LIMK1: variants seen among roughly 807,000 people sequenced by gnomAD.
LIMK1 encodes LIM domain kinase 1.
A neutral mutation model predicts 77.6 loss-of-function variants in LIMK1; 21 were observed. That is an observed-to-expected ratio of 0.27 (90% CI 0.19 to 0.39). The LOEUF is 0.39. Among genes scored for constraint, LIMK1 ranks in the 10% least tolerant of loss-of-function variants. The probability of loss-of-function intolerance (pLI) is 1.00; values close to 1 mark genes in which losing one functional copy is unlikely to be tolerated. For missense variants in LIMK1, 696 were observed against 901.6 expected (o/e 0.77, Z 2.92); for synonymous variants, 358 against 370.0 (o/e 0.97, Z 0.37).
At position 74,102,262 on chromosome 7, in the gene LIMK1, C is replaced by T. The variant is rs182198487; in HGVS notation, c.608+3024C>T. On this transcript the variant is annotated intron_variant, in intron 5 of 15. Coordinates refer to ENST00000336180, the MANE Select transcript of LIMK1 (RefSeq NM_002314.4). Reference sequence around the variant, plus strand: ...TAAGTCCATTGAATACATACACACCCTTCACCAAGGTTCACCAATTCGTAA... The same window carrying T: ...TAAGTCCATTGAATACATACACACCTTTCACCAAGGTTCACCAATTCGTAA... Among the ~76,000 whole-genome samples the T allele has an allele frequency of 2.6e-3, 395 of 152,028 alleles. 1 individual carries two copies. Among genetic ancestry groups the T allele is most frequent in the African/African-American group, 9.1e-3 (379 of 41,484 alleles).
Position 74,121,284 on chromosome 7 carries a change from C to A in LIMK1, c.1927C>A (p.Pro643Thr), listed in dbSNP as rs1554700585. Residue 643 changes from proline (P) to threonine (T), a missense_variant, in exon 16 of 16, where the codon CCT (proline) becomes ACT (threonine). Pro to Thr is a conservative substitution (Grantham distance 38, BLOSUM62 -1). Transcript: ENST00000336180. ...RRGESGLPAH[P>T]EVPD ...CGGCGAGAGCGGACTGCCTGCCCAC[C>A]CTGAGGTCCCCGACTGAGCCAGGGC... 12 of 1,602,228 alleles carry A rather than the reference C, an allele frequency of 7.5e-6. No homozygotes were observed. Among genetic ancestry groups the A allele is most frequent in the Non-Finnish European group, 7.7e-6 (9 of 1,176,158 alleles).
chr7:74,114,569 A>T (rs1387464494), intron 12 of LIMK1, among the ~76,000 whole-genome samples: 1 of 150,024 alleles, frequency 6.7e-6, no homozygotes, highest in African/African-American at 2.5e-5. Flanking sequence ...AAAAAAAAAA[A>T]TCAAACCCGA....
intron 4 of LIMK1, among the ~76,000 whole-genome samples, chr7:74,098,668 G>A (rs1554696032): frequency 6.6e-6 from 1 of 152,158 alleles, no homozygotes; most frequent in African/African-American, 2.4e-5. Flanking sequence ...CCAACATGGT[G>A]AAACCGTCTC....
chr7:74,106,205 C>T lies in LIMK1; in HGVS notation c.843C>T (p.Ser281=), dbSNP rs371071688. 2.2e-5 allele frequency: 36 copies of T among 1,613,580 alleles called. No homozygotes were observed. Among genetic ancestry groups the T allele is most frequent in the Non-Finnish European group, 2.9e-5 (34 of 1,179,980 alleles). ...SPLSSPAYTP[S]GEAGSSARQK... Reference sequence around the variant, plus strand: ...TGAGCTCTCCGGCTTATACTCCCAGCGGGGAGGCGGGCAGCTCTGCCCGGC... The same window carrying T: ...TGAGCTCTCCGGCTTATACTCCCAGTGGGGAGGCGGGCAGCTCTGCCCGGC... Residue 281 remains serine, a synonymous_variant, in exon 7 of 16, where the codon AGC becomes AGT. Coordinates refer to ENST00000336180, the MANE Select transcript of LIMK1 (RefSeq NM_002314.4).
chr7:74,121,205 A>G lies in LIMK1; in HGVS notation c.1848A>G (p.Pro616=). The G allele has an allele frequency of 6.2e-7, 1 of 1,613,734 alleles. No individual in the cohort carries two copies. The highest frequency in any genetic ancestry group is 1.7e-5 in the Admixed American group (1 of 59,986). ...TLRMHLAGHL[P]LGPQLEQLDR... Reference sequence around the variant, plus strand: ...GCATGCACCTGGCCGGCCACCTGCCACTGGGCCCACAGCTGGAGCAGCTGG... The same window carrying G: ...GCATGCACCTGGCCGGCCACCTGCCGCTGGGCCCACAGCTGGAGCAGCTGG... The change falls in exon 16 of 16, where the codon CCA becomes CCG. Residue 616 remains proline, a synonymous_variant. Transcript: ENST00000336180.
At chr7:74,093,182 G>A in intron 2 of LIMK1, 1 of 1,525,536 alleles carries the variant, frequency 6.6e-7, no homozygotes, top group Non-Finnish European at 8.8e-7. Flanking sequence ...GGGAGGATGG[G>A]GAAGCAGCTG....
chr7:74,084,157 A>T (rs1400966626), intron 1 of LIMK1, 112 bp downstream of exon 1: 2 of 418,860 alleles, frequency 4.8e-6, no homozygotes, highest in Non-Finnish European at 8.5e-6. Flanking sequence ...CTCCTCCGGG[A>T]TGAGCTCGTC....
Position 74,106,061 on chromosome 7 carries a change from T to C in LIMK1, c.715-16T>C. 6.2e-7 allele frequency: 1 copy of C among 1,613,862 alleles called. No homozygotes were observed. Among genetic ancestry groups the C allele is most frequent in the Non-Finnish European group, 8.5e-7 (1 of 1,179,894 alleles). On this transcript the variant is annotated splice_polypyrimidine_tract_variant and intron_variant, in intron 6 of 15. Coordinates refer to ENST00000336180, the MANE Select transcript of LIMK1 (RefSeq NM_002314.4). ...CCTCCCCACTCCACCCCCATTCACA[T>C]GCCTGCTGTCCCCAGATTGACCTGC...
At chr7:74,099,546 TGTG>T (rs1196767539) in intron 5 of LIMK1, among the ~76,000 whole-genome samples, 1 of 150,146 alleles carries the variant, frequency 6.7e-6, no homozygotes, top group Non-Finnish European at 1.5e-5. Context: ...GCCTGGGCAA[TGTG>T]GTGAAACCCC....
chr7:74,119,086 G>A (rs1394944047), intron 13 of LIMK1, among the ~76,000 whole-genome samples: 2 of 151,538 alleles, frequency 1.3e-5, no homozygotes, highest in East Asian at 1.9e-4. Context: ...TAGTAGAGAC[G>A]GGGTTTCACC....
intron 5 of LIMK1, 41 bp from the exon 6 acceptor site, chr7:74,105,834 G>A (rs1554697328): frequency 8.0e-6 from 12 of 1,490,814 alleles, no homozygotes; most frequent in Non-Finnish European, 1.0e-5. Context: ...GGGGCTCTGA[G>A]GGACAGGTGG....
In LIMK1 at chr7:74,099,845, C is replaced by T. The variant is rs150137209; in HGVS notation, c.608+607C>T. 2.8e-4 allele frequency among the ~76,000 whole-genome samples: 43 copies of T among 151,920 alleles called. No homozygotes were observed. In the East Asian group the frequency reaches 4.7e-3, roughly 16 times the overall value. ...GTCAAGAATGAGTGAAGAAGCTGGG[C>T]GCAGTAACTCACACCTGTAATCTCA... On this transcript the variant is annotated intron_variant, in intron 5 of 15. Coordinates refer to ENST00000336180, the MANE Select transcript of LIMK1 (RefSeq NM_002314.4).
Position 74,085,851 on chromosome 7 carries a change from T to C in LIMK1, c.152+7T>C. 1.3e-6 allele frequency: 2 copies of C among 1,547,990 alleles called. No homozygotes were observed. The highest frequency in any genetic ancestry group is 8.7e-7 in the Non-Finnish European group (1 of 1,146,064). On this transcript the variant is annotated splice_region_variant and intron_variant, in intron 2 of 15. Coordinates refer to ENST00000336180, the MANE Select transcript of LIMK1 (RefSeq NM_002314.4). ...GGCACGCAGACTGCTTCAGGTAGGG[T>C]GGGGTGCCCAGGGCCTGTGTTGCCC...
At chr7:74,093,771 G>A (rs1799282903) in intron 2 of LIMK1, among the ~76,000 whole-genome samples, 1 of 152,324 alleles carries the variant, frequency 6.6e-6, no homozygotes, top group African/African-American at 2.4e-5. Flanking sequence ...GCTGTCCCCA[G>A]GGCAGCTCTG....
At chr7:74,094,475 C>A (rs576259065) in intron 2 of LIMK1, 1 of 151,010 alleles carries the variant, frequency 6.6e-6, no homozygotes, top group Non-Finnish European at 1.5e-5. Context: ...CAGAGGTATG[C>A]GGGGGCCCTG....
At chr7:74,112,217 G>A (rs1554698769) in intron 12 of LIMK1, among the ~76,000 whole-genome samples, 1 of 152,116 alleles carries the variant, frequency 6.6e-6, no homozygotes. Flanking sequence ...ACTCATGGTG[G>A]ACCATCAGAG....
chr7:74,086,605 T>C (rs1472179683), intron 2 of LIMK1, among the ~76,000 whole-genome samples: 1 of 152,126 alleles, frequency 6.6e-6, no homozygotes, highest in Non-Finnish European at 1.5e-5. Context: ...CAAGCAATCC[T>C]CCTGCCTTGG....
In LIMK1 at chr7:74,085,735, TCCCA is replaced by T. The variant is rs1799123128; in HGVS notation, c.56-9_56-6del. The T allele has an allele frequency of 1.3e-6, 2 of 1,550,680 alleles. No individual in the cohort carries two copies. Among genetic ancestry groups the T allele is most frequent in the African/African-American group, 1.4e-5 (1 of 73,248 alleles). On this transcript the variant is annotated splice_polypyrimidine_tract_variant and intron_variant, in intron 1 of 15. Transcript: ENST00000336180. ...TCCTGAGAATGCTTCCCAACTCCCT[TCCCA>T]CCCTGCAGGAAGCGAGTTGCCCGTG... is the stretch of plus-strand genomic sequence containing the variant.
intron 2 of LIMK1, among the ~76,000 whole-genome samples, chr7:74,092,692 G>T (rs1227394684): frequency 1.3e-5 from 2 of 152,202 alleles, no homozygotes; most frequent in Non-Finnish European, 2.9e-5. Flanking sequence ...CTCCTTGGCA[G>T]CTGGGTGGGC....
Sources: gnomAD v4.1 joint callset for allele counts (sites outside exome capture counted in the v4.1 genomes callset) on GRCh38, gnomAD v4.1.1 for gene constraint, MANE v1.5 for transcripts, NCBI Gene and HGNC (gene_info 2026-07-23, HGNC 2026-07-21) for gene names.